GRIK1: variants seen among roughly 807,000 people sequenced by gnomAD.
The protein encoded by GRIK1 is glutamate ionotropic receptor kainate type subunit 1, also known as glutamate receptor ionotropic, kainate 1.
Under a neutral mutation model 105.7 loss-of-function variants are expected in GRIK1, and 69 were observed. The ratio of observed to expected loss-of-function variants is 0.65; its 90% CI spans 0.54 to 0.80. The LOEUF is 0.80. Among genes scored for constraint, GRIK1 ranks in the 30% least tolerant of loss-of-function variants. The pLI, the probability that GRIK1 is intolerant of heterozygous loss-of-function variation, is 0.00. For missense variants in GRIK1, 1,109 were observed against 1,167.3 expected, an observed-to-expected ratio of 0.95 and a Z score of 0.73; for synonymous variants, 438 against 431.3, an observed-to-expected ratio of 1.02 and a Z score of -0.19.
chr21:29,587,354 T>C lies in GRIK1; in HGVS notation c.1793+12A>G, dbSNP rs368385037. On this transcript the variant is annotated intron_variant, in intron 12 of 17. Coordinates refer to ENST00000327783, the MANE Select transcript of GRIK1 (RefSeq NM_001330994.2). ...CTACACCTCTTGTGAATTCAGTGAT[T>C]CTCAAACTTACCTTGCAATCACAAA... 2.6e-6 allele frequency: 4 copies of C among 1,551,152 alleles called. No homozygotes were observed. The African/African-American group carries it at 4.1e-5, about 16-fold the overall frequency.
chr21:29,659,325 GA>G (rs934866083), intron 4 of GRIK1, among the ~76,000 whole-genome samples: 3 of 152,044 alleles, frequency 2.0e-5, no homozygotes, highest in Non-Finnish European at 4.4e-5. Context: ...TTAGAGTAAT[GA>G]AAAAAAGTTT....
intron 1 of GRIK1, among the ~76,000 whole-genome samples, chr21:29,872,305 T>C (rs1248553069): frequency 1.3e-5 from 2 of 151,468 alleles, no homozygotes; most frequent in Non-Finnish European, 2.9e-5. Flanking sequence ...GCCATTCTCC[T>C]GCCTCAGCCT....
chr21:29,910,261 C>A (rs1470155908), intron 1 of GRIK1, among the ~76,000 whole-genome samples: 14 of 152,118 alleles, frequency 9.2e-5, no homozygotes, highest in Non-Finnish European at 2.1e-4. Flanking sequence ...CGAATAAATT[C>A]TTCAGAATTA....
chr21:29,880,884 G>A (rs1346783146), intron 1 of GRIK1, among the ~76,000 whole-genome samples: 1 of 152,100 alleles, frequency 6.6e-6, no homozygotes. Flanking sequence ...TAAGCTGGAA[G>A]GGACCATCAT....
chr21:29,696,556 A>G, intron 1 of GRIK1, among the ~76,000 whole-genome samples: 1 of 152,230 alleles, frequency 6.6e-6, no homozygotes, highest in Non-Finnish European at 1.5e-5. Context: ...AGGTGGACAT[A>G]AGTCCGTCTT....
At chr21:29,757,679 T>C (rs1339688217) in intron 1 of GRIK1, among the ~76,000 whole-genome samples, 6 of 152,258 alleles carry the variant, frequency 3.9e-5, no homozygotes, top group Non-Finnish European at 8.8e-5. Flanking sequence ...AATCAATTTT[T>C]CCCCCAGAGG....
At chr21:29,595,340 G>GT (rs71191119) in intron 9 of GRIK1, among the ~76,000 whole-genome samples, 39,861 of 136,868 alleles carry the variant, frequency 0.29, 6,410 homozygotes, top group African/African-American at 0.45. Context: ...AGTGTAATAG[G>GT]TTTTTTTTTT....
At chr21:29,757,756 T>C (rs763464496) in intron 1 of GRIK1, among the ~76,000 whole-genome samples, 1 of 152,232 alleles carries the variant, frequency 6.6e-6, no homozygotes, top group Non-Finnish European at 1.5e-5. Context: ...AATTTTATAC[T>C]GTGGAAGACA....
intron 1 of GRIK1, among the ~76,000 whole-genome samples, chr21:29,790,055 T>C (rs2066369806): frequency 6.6e-6 from 1 of 152,102 alleles, no homozygotes; most frequent in Non-Finnish European, 1.5e-5. Context: ...ATTTATCTAT[T>C]TATTTATTTA....
intron 1 of GRIK1, among the ~76,000 whole-genome samples, chr21:29,916,292 C>T (rs1210760693): frequency 1.3e-5 from 2 of 151,674 alleles, no homozygotes; most frequent in African/African-American, 4.8e-5. Flanking sequence ...GTCATACACC[C>T]CTGGGCACAG....
chr21:29,939,438 G>C lies in GRIK1; in HGVS notation c.63C>G (p.Leu21=), dbSNP rs2071897747. Residue 21 remains leucine (L), a synonymous_variant, in exon 1 of 18, where the codon CTC becomes CTG. Coordinates refer to ENST00000327783, the MANE Select transcript of GRIK1 (RefSeq NM_001330994.2). ...GLWTRDTSWA[L]LYFLCYILPQ... ...GGAGGATATAGCAGAGGAAATAGAG[G>C]AGTGCCCAGCTGGTGTCCCTGGTCC... The C allele has an allele frequency of 6.3e-7, 1 of 1,596,466 alleles. No individual in the cohort carries two copies. The highest frequency in any genetic ancestry group is 2.3e-5 in the East Asian group (1 of 43,352).
intron 3 of GRIK1, among the ~76,000 whole-genome samples, chr21:29,683,701 C>T (rs1330777848): frequency 2.0e-5 from 3 of 152,230 alleles, no homozygotes; most frequent in Non-Finnish European, 4.4e-5. Context: ...ATCATTCATA[C>T]TCCAAACCTC....
intron 1 of GRIK1, 37 bp downstream of exon 1, chr21:29,939,346 C>T (rs2071890889): frequency 8.1e-7 from 1 of 1,241,128 alleles, no homozygotes; most frequent in Non-Finnish European, 1.2e-6. Flanking sequence ...CGGCGACCGA[C>T]CACGTCTCCC....
chr21:29,545,744 G>A (rs1246368592), intron 16 of GRIK1, among the ~76,000 whole-genome samples: 1 of 152,082 alleles, frequency 6.6e-6, no homozygotes, highest in Non-Finnish European at 1.5e-5. Context: ...ATAGTTTTCG[G>A]GGTACCAGTT....
chr21:29,722,949 G>T (rs754033899), intron 1 of GRIK1, among the ~76,000 whole-genome samples: 42 of 152,190 alleles, frequency 2.8e-4, no homozygotes, highest in Non-Finnish European at 8.8e-5. Context: ...TAGAAGATTT[G>T]TAATTTACTG....
At chr21:29,763,276 T>C (rs567729868) in intron 1 of GRIK1, among the ~76,000 whole-genome samples, 1 of 152,324 alleles carries the variant, frequency 6.6e-6, no homozygotes, top group African/African-American at 2.4e-5. Context: ...GTGAAGAAGA[T>C]GCCTGCTTCC....
intron 14 of GRIK1, among the ~76,000 whole-genome samples, chr21:29,562,666 A>G (rs2090510153): frequency 6.6e-6 from 1 of 152,008 alleles, no homozygotes. Flanking sequence ...AAAAAAAAAA[A>G]GAAGAAAAAT....
At chr21:29,848,779 A>ATATTTTTTTTTTTT in intron 1 of GRIK1, among the ~76,000 whole-genome samples, 71 of 77,856 alleles carry the variant, frequency 9.1e-4, no homozygotes, top group African/African-American at 4.0e-3. Flanking sequence ...ATATATATAT[A>ATATTTTTTTTTTTT]TTTTTTTTTT....
At chr21:29,790,721 G>C (rs416797) in intron 1 of GRIK1, among the ~76,000 whole-genome samples, 20,338 of 152,186 alleles carry the variant, frequency 0.13, 1,469 homozygotes, top group Non-Finnish European at 0.16. Context: ...CCAGAGTGCT[G>C]GGATTACAGG....
Sources: gnomAD v4.1 joint callset for allele counts (sites outside exome capture counted in the v4.1 genomes callset) on GRCh38, gnomAD v4.1.1 for gene constraint, MANE v1.5 for transcripts, NCBI Gene and HGNC (gene_info 2026-07-23, HGNC 2026-07-21) for gene names.